LHX8: variants seen among roughly 807,000 people sequenced by gnomAD.
The protein encoded by LHX8 is LIM homeobox 8.
Under a neutral mutation model 40.3 loss-of-function variants are expected in LHX8, and 12 were observed. That is an observed-to-expected ratio of 0.30 (90% CI 0.19 to 0.48). The LOEUF (loss-of-function observed/expected upper bound fraction) is 0.48, where lower values mean the gene tolerates loss of function less well. Ranked by LOEUF, LHX8 falls within the 20% of genes least tolerant of loss-of-function variation. The pLI is 0.99. For missense variants in LHX8, 344 were observed against 433.7 expected, an observed-to-expected ratio of 0.79 and a Z score of 1.84; for synonymous variants, 179 against 162.0, an observed-to-expected ratio of 1.10 and a Z score of -0.80.
At chr1:75,157,201 G>T in intron 8 of LHX8, 125 bp downstream of exon 8, 3 of 1,125,868 alleles carry the variant, frequency 2.7e-6, no homozygotes, top group Non-Finnish European at 4.0e-6. Context: ...AAATATTGTG[G>T]GGGGTGCAGT....
At chr1:75,161,894 A>G (rs1226882306), downstream of LHX8, among the ~76,000 whole-genome samples, 1 of 152,106 alleles carries the variant, frequency 6.6e-6, no homozygotes, top group African/African-American at 2.4e-5. Context: ...CTTGGTGAAT[A>G]CCCTTTAGGG....
intron 7 of LHX8, among the ~76,000 whole-genome samples, chr1:75,149,307 A>C (rs923837818): frequency 6.6e-6 from 1 of 152,196 alleles, no homozygotes; most frequent in African/African-American, 2.4e-5. Flanking sequence ...GTTGGAGTTA[A>C]AGTTGGAGAG....
At chr1:75,175,650 A>ATTATT in the LHX8 span, among the ~76,000 whole-genome samples, 7,341 of 151,336 alleles carry the variant, frequency 0.049, 586 homozygotes, top group African/African-American at 0.17. Flanking sequence ...TTTTGATGGG[A>ATTATT]TTATTTTATT....
intron 3 of LHX8, among the ~76,000 whole-genome samples, chr1:75,138,627 G>A (rs1176105714): frequency 6.6e-6 from 1 of 152,012 alleles, no homozygotes; most frequent in Non-Finnish European, 1.5e-5. Flanking sequence ...TATTTTTAAT[G>A]AGCCCTCTCA....
At chr1:75,141,188 C>A in intron 4 of LHX8, 82 bp downstream of exon 4, 1 of 1,484,244 alleles carries the variant, frequency 6.7e-7, no homozygotes, top group Non-Finnish European at 9.2e-7. Flanking sequence ...TTTTCTTGTT[C>A]AGTTTTATTT....
At chr1:75,158,560 T>C (rs1305359101) in intron 8 of LHX8, among the ~76,000 whole-genome samples, 2 of 151,700 alleles carry the variant, frequency 1.3e-5, no homozygotes, top group African/African-American at 4.8e-5. Context: ...GAACTGAATT[T>C]TGTGTGTGGT....
At chr1:75,198,640 G>A in the LHX8 span, among the ~76,000 whole-genome samples, 2 of 152,144 alleles carry the variant, frequency 1.3e-5, no homozygotes, top group Admixed American at 1.3e-4. Flanking sequence ...ACTGGGCTCT[G>A]TCATTTGCCT....
At chr1:75,152,353 A>AT (rs200514906) in intron 7 of LHX8, among the ~76,000 whole-genome samples, 8 of 152,090 alleles carry the variant, frequency 5.3e-5, no homozygotes, top group Non-Finnish European at 1.2e-4. Flanking sequence ...AAGATGAGTG[A>AT]TTTTTTTCCC....
chr1:75,191,666 CTG>C, the LHX8 span, among the ~76,000 whole-genome samples: 2 of 152,182 alleles, frequency 1.3e-5, no homozygotes, highest in Non-Finnish European at 2.9e-5. Flanking sequence ...GTGTCTTTTC[CTG>C]TCTCCTGTTA....
At chr1:75,136,252 A>C (rs1257253036) in intron 1 of LHX8, among the ~76,000 whole-genome samples, 1 of 150,902 alleles carries the variant, frequency 6.6e-6, no homozygotes, top group Admixed American at 6.6e-5. Flanking sequence ...CCGCTCCGCT[A>C]TGATTGACGT....
chr1:75,198,081 G>A, the LHX8 span, among the ~76,000 whole-genome samples: 1 of 152,188 alleles, frequency 6.6e-6, no homozygotes, highest in East Asian at 1.9e-4. Context: ...CATGAGACAG[G>A]TGAGCTGAAA....
intron 8 of LHX8, among the ~76,000 whole-genome samples, chr1:75,157,770 A>G (rs1648809596): frequency 6.6e-6 from 1 of 152,252 alleles, no homozygotes; most frequent in African/African-American, 2.4e-5. Context: ...ATTGTTATAT[A>G]GAAATCCACT....
chr1:75,189,783 T>G, the LHX8 span, among the ~76,000 whole-genome samples: 3 of 152,218 alleles, frequency 2.0e-5, no homozygotes, highest in Non-Finnish European at 4.4e-5. Flanking sequence ...TATCTATCAT[T>G]GTGTTCTCCC....
At chr1:75,134,333 C>T (rs1047398454), upstream of LHX8, among the ~76,000 whole-genome samples, 2 of 151,880 alleles carry the variant, frequency 1.3e-5, no homozygotes, top group Non-Finnish European at 2.9e-5. Flanking sequence ...GTTCCACCCT[C>T]TGGAAAACAA....
At chr1:75,162,336 ATC>A (rs951869919), downstream of LHX8, among the ~76,000 whole-genome samples, 11 of 152,000 alleles carry the variant, frequency 7.2e-5, no homozygotes, top group Admixed American at 2.0e-4. Context: ...CCTGATGCTA[ATC>A]TCTGTGGGTT....
chr1:75,193,594 C>T, the LHX8 span, among the ~76,000 whole-genome samples: 1 of 152,212 alleles, frequency 6.6e-6, no homozygotes, highest in African/African-American at 2.4e-5. Context: ...GTATTCTAAA[C>T]TATGCTTCTT....
At position 75,160,827 on chromosome 1, in the gene LHX8, C is replaced by T; in HGVS notation, c.973C>T (p.Pro325Ser). Residue 325 changes from proline to serine, a missense_variant, in exon 9 of 9, where the codon CCA becomes TCA. Pro to Ser is a moderately conservative substitution (Grantham distance 74, BLOSUM62 -1). This residue lies in a region of LHX8 where 89 missense variants were observed against 92.8 expected (regional missense o/e 0.96). Transcript: ENST00000356261. ...ALHSYMDAHS[P>S]TTLGLQPLLP... is the part of the protein sequence containing the mutation. ...TTCTTTCTATTTTGTAGCTCATTCACCAACAACTCTTGGACTCCAGCCCTT... is the reference window on the plus strand; with the variant it reads ...TTCTTTCTATTTTGTAGCTCATTCATCAACAACTCTTGGACTCCAGCCCTT... The T allele has an allele frequency of 6.2e-7, 1 of 1,611,490 alleles. No homozygotes were observed. The highest frequency in any genetic ancestry group is 2.2e-5 in the East Asian group (1 of 44,840).
intron 3 of LHX8, among the ~76,000 whole-genome samples, chr1:75,137,925 A>T (rs1459010522): frequency 6.6e-6 from 1 of 152,336 alleles, no homozygotes; most frequent in East Asian, 1.9e-4. Context: ...AAGGTTTAAT[A>T]CTTCTAGGCC....
intron 1 of LHX8, 34 bp from the exon 2 acceptor site, chr1:75,136,569 T>TTTC (rs1476029320): frequency 4.1e-6 from 6 of 1,471,146 alleles, no homozygotes; most frequent in Non-Finnish European, 5.6e-6. Flanking sequence ...TTCTGATCTG[T>TTTC]TTCTCCATAC....
Sources: allele counts gnomAD v4.1 joint callset (sites outside exome capture counted in the v4.1 genomes callset), GRCh38; gene constraint gnomAD v4.1.1; regional missense constraint gnomAD v4.1.1; transcripts MANE v1.5; gene names NCBI Gene and HGNC (gene_info 2026-07-23, HGNC 2026-07-21).